CADM2: variants seen among roughly 807,000 people sequenced by gnomAD.
CADM2 encodes the protein cell adhesion molecule 2, also known as immunoglobulin superfamily member 4D.
A neutral mutation model predicts 49.8 loss-of-function variants in CADM2; 12 were observed. The observed-to-expected ratio is 0.24, with a 90% confidence interval of 0.15 to 0.39. The LOEUF is 0.39. CADM2 is among the 10% of genes least tolerant of loss of function. The probability of loss-of-function intolerance (pLI) is 1.00; values close to 1 mark genes in which losing one functional copy is unlikely to be tolerated. For missense variants in CADM2, 378 were observed against 492.3 expected, an observed-to-expected ratio of 0.77 and a Z score of 2.20; for synonymous variants, 214 against 175.4, an observed-to-expected ratio of 1.22 and a Z score of -1.74.
intron 1 of CADM2, among the ~76,000 whole-genome samples, chr3:85,055,893 T>C (rs1043435363): frequency 2.6e-5 from 4 of 152,006 alleles, no homozygotes; most frequent in African/African-American, 4.8e-5. Context: ...ATCTATGTTA[T>C]TGACATACTC....
chr3:85,723,295 G>T (rs2067573060), intron 1 of CADM2, among the ~76,000 whole-genome samples: 1 of 152,134 alleles, frequency 6.6e-6, no homozygotes, highest in Non-Finnish European at 1.5e-5. Flanking sequence ...TCTGGTCAAA[G>T]TATCTTTAAT....
At chr3:85,160,685 T>C (rs2040295695) in intron 1 of CADM2, among the ~76,000 whole-genome samples, 1 of 152,204 alleles carries the variant, frequency 6.6e-6, no homozygotes, top group Non-Finnish European at 1.5e-5. Flanking sequence ...TACTCAGTTG[T>C]TATTTTCTTT....
chr3:85,397,422 T>C (rs2034846421), intron 1 of CADM2, among the ~76,000 whole-genome samples: 1 of 152,168 alleles, frequency 6.6e-6, no homozygotes, highest in African/African-American at 2.4e-5. Context: ...GTCAGACACT[T>C]GTACACCTAT....
intron 1 of CADM2, among the ~76,000 whole-genome samples, chr3:85,499,039 G>A (rs558699562): frequency 9.2e-5 from 14 of 152,198 alleles, no homozygotes; most frequent in Admixed American, 9.2e-4. Context: ...ATTTCAAAAT[G>A]TTGTTTCAAT....
intron 8 of CADM2, among the ~76,000 whole-genome samples, chr3:85,989,388 A>T (rs980449827): frequency 2.6e-5 from 4 of 152,292 alleles, no homozygotes; most frequent in Admixed American, 6.5e-5. Flanking sequence ...TCAAGCAAGG[A>T]CACAGCCAGT....
rs558830837 is a variant in CADM2 at position 85,521,116 on chromosome 3, C to T, written c.62-205406C>T. On this transcript the variant is annotated intron_variant, in intron 1 of 9. Transcript: ENST00000383699. The stretch of plus-strand genomic sequence containing the variant: ...TCGTCTTCAGCAAAGTAAAAATGAA[C>T]GCAATTGTTTAGAGAAAGCCTATGT... Among the ~76,000 whole-genome samples, 5 of 152,096 alleles carry T rather than the reference C, an allele frequency of 3.3e-5. No homozygotes were observed. The East Asian group carries it at 5.8e-4, about 18-fold the overall frequency.
At chr3:85,194,677 A>G (rs751404944) in intron 1 of CADM2, among the ~76,000 whole-genome samples, 23 of 152,172 alleles carry the variant, frequency 1.5e-4, no homozygotes, top group Non-Finnish European at 2.8e-4. Flanking sequence ...AAAGAAATCT[A>G]TTATTGTTAT....
At chr3:85,268,324 A>G (rs2043164847) in intron 1 of CADM2, among the ~76,000 whole-genome samples, 1 of 151,534 alleles carries the variant, frequency 6.6e-6, no homozygotes, top group Admixed American at 6.6e-5. Flanking sequence ...TATTTGGATT[A>G]AAATGATTTT....
At chr3:85,273,489 A>G (rs1195201589) in intron 1 of CADM2, among the ~76,000 whole-genome samples, 1 of 151,402 alleles carries the variant, frequency 6.6e-6, no homozygotes, top group East Asian at 1.9e-4. Context: ...GGCATTGACA[A>G]GTAGTCAGAT....
chr3:85,883,370 T>C lies in CADM2; in HGVS notation c.318T>C (p.Ser106=), dbSNP rs763215795. 73 of 1,613,786 alleles carry C rather than the reference T, an allele frequency of 4.5e-5. No homozygotes were observed. Among genetic ancestry groups the C allele is most frequent in the Non-Finnish European group, 5.2e-5 (61 of 1,179,868 alleles). The change falls in exon 4 of 10, where the codon TCT becomes TCC. Residue 106 remains serine, a synonymous_variant. Transcript: ENST00000383699. ...LSISVSDVSL[S]DEGQYTCSLF... is the part of the protein sequence containing the mutation. Reference sequence around the variant, plus strand: ...TTAGTGTCAGTGATGTGTCTCTCTCTGATGAAGGACAGTACACCTGTTCTT... The same window carrying C: ...TTAGTGTCAGTGATGTGTCTCTCTCCGATGAAGGACAGTACACCTGTTCTT...
intron 1 of CADM2, among the ~76,000 whole-genome samples, chr3:85,223,612 T>G (rs2107796545): frequency 6.6e-6 from 1 of 152,284 alleles, no homozygotes; most frequent in Non-Finnish European, 1.5e-5. Flanking sequence ...ATTTTTTATT[T>G]TTTTATTACT....
chr3:85,129,005 A>C (rs1317138141), intron 1 of CADM2, among the ~76,000 whole-genome samples: 2 of 152,172 alleles, frequency 1.3e-5, no homozygotes, highest in African/African-American at 4.8e-5. Flanking sequence ...AAGTAAATCT[A>C]GTCCAAATCA....
chr3:85,085,830 C>T (rs961105204), intron 1 of CADM2, among the ~76,000 whole-genome samples: 1 of 152,122 alleles, frequency 6.6e-6, no homozygotes, highest in African/African-American at 2.4e-5. Flanking sequence ...CTAATTCTCT[C>T]TTATGCCTTG....
chr3:85,195,617 C>A (rs2041326106), intron 1 of CADM2, among the ~76,000 whole-genome samples: 1 of 151,238 alleles, frequency 6.6e-6, no homozygotes, highest in South Asian at 2.1e-4. Flanking sequence ...GCCACAATAT[C>A]TAGTTATAAA....
chr3:85,347,052 G>C (rs1459619539), intron 1 of CADM2, among the ~76,000 whole-genome samples: 1 of 151,536 alleles, frequency 6.6e-6, no homozygotes, highest in East Asian at 1.9e-4. Context: ...GCGAAATCCC[G>C]TCTCTACTAA....
intron 1 of CADM2, among the ~76,000 whole-genome samples, chr3:85,560,231 A>G (rs1266324428): frequency 1.3e-5 from 2 of 152,180 alleles, no homozygotes; most frequent in African/African-American, 4.8e-5. Context: ...AGTTTTATCA[A>G]CAGCCTTATT....
At chr3:85,713,161 G>A (rs2067167795) in intron 1 of CADM2, among the ~76,000 whole-genome samples, 1 of 152,056 alleles carries the variant, frequency 6.6e-6, no homozygotes, top group Non-Finnish European at 1.5e-5. Context: ...GAAGTGGCGC[G>A]ACCTCGGCTC....
intron 1 of CADM2, among the ~76,000 whole-genome samples, chr3:85,634,539 A>G (rs938244854): frequency 2.6e-5 from 4 of 152,094 alleles, no homozygotes; most frequent in African/African-American, 7.2e-5. Flanking sequence ...AGGTATGTCA[A>G]AAAGGCTCTA....
At chr3:85,633,037 G>C (rs993317571) in intron 1 of CADM2, among the ~76,000 whole-genome samples, 1 of 151,914 alleles carries the variant, frequency 6.6e-6, no homozygotes, top group Non-Finnish European at 1.5e-5. Flanking sequence ...AACCTGCATA[G>C]TATCGTCAAG....
Sources: gnomAD v4.1 joint callset for allele counts (sites outside exome capture counted in the v4.1 genomes callset) on GRCh38, gnomAD v4.1.1 for gene constraint, MANE v1.5 for transcripts, NCBI Gene and HGNC (gene_info 2026-07-23, HGNC 2026-07-21) for gene names.